Variants in LARGE1 observed in about 807,000 individuals in gnomAD.
LARGE1 encodes the protein xylosyl- and glucuronyltransferase LARGE1.
LARGE1 carries 43 observed loss-of-function variants against 87.6 expected under a neutral mutation model. That is an observed-to-expected ratio of 0.49 (90% CI 0.38 to 0.63). LARGE1 has a LOEUF of 0.63. Among genes scored for constraint, LARGE1 ranks in the 30% least tolerant of loss-of-function variants. The pLI is 0.00. For missense variants in LARGE1, 802 were observed against 1,000.2 expected, an observed-to-expected ratio of 0.80 and a Z score of 2.67; for synonymous variants, 434 against 394.6, an observed-to-expected ratio of 1.10 and a Z score of -1.18.
intron 6 of LARGE1, among the ~76,000 whole-genome samples, chr22:33,497,023 C>T (rs2070161612): frequency 6.6e-6 from 1 of 151,602 alleles, no homozygotes; most frequent in Non-Finnish European, 1.5e-5. Context: ...GACACAAATT[C>T]CAGACTCAGG....
At chr22:33,684,654 G>C (rs1225615983) in intron 2 of LARGE1, among the ~76,000 whole-genome samples, 1 of 152,160 alleles carries the variant, frequency 6.6e-6, no homozygotes, top group Admixed American at 6.5e-5. Context: ...TTCCTCACTA[G>C]GACATGCAAG....
At chr22:33,129,711 C>T in the LARGE1 span, among the ~76,000 whole-genome samples, 1 of 152,088 alleles carries the variant, frequency 6.6e-6, no homozygotes, top group Non-Finnish European at 1.5e-5. Flanking sequence ...TGGTGGAAGG[C>T]AAAGGAGAAG....
intron 4 of LARGE1, among the ~76,000 whole-genome samples, chr22:33,613,032 C>G (rs2079485175): frequency 6.6e-6 from 1 of 152,154 alleles, no homozygotes; most frequent in Non-Finnish European, 1.5e-5. Flanking sequence ...TCTGCATTGT[C>G]AAAGGGAATA....
At chr22:33,651,221 A>T (rs1367933425) in intron 2 of LARGE1, among the ~76,000 whole-genome samples, 1 of 122,062 alleles carries the variant, frequency 8.2e-6, no homozygotes, top group African/African-American at 3.4e-5. Flanking sequence ...CTCTACTAAA[A>T]ATACAAAAAA....
At chr22:33,303,628 A>G (rs1341283908) in intron 12 of LARGE1, among the ~76,000 whole-genome samples, 2 of 151,844 alleles carry the variant, frequency 1.3e-5, no homozygotes, top group Non-Finnish European at 2.9e-5. Flanking sequence ...TCTATTTATT[A>G]TTATTATTTT....
intron 6 of LARGE1, among the ~76,000 whole-genome samples, chr22:33,468,528 T>C (rs2068706646): frequency 6.6e-6 from 1 of 152,212 alleles, no homozygotes; most frequent in Non-Finnish European, 1.5e-5. Flanking sequence ...TCAAATCCCA[T>C]TACTTATCAA....
At chr22:33,759,251 T>C (rs1196320560) in intron 2 of LARGE1, among the ~76,000 whole-genome samples, 1 of 152,248 alleles carries the variant, frequency 6.6e-6, no homozygotes, top group Non-Finnish European at 1.5e-5. Flanking sequence ...GGGTTGGCTT[T>C]CTGCCAAAGA....
At chr22:33,343,963 T>C (rs985770843) in intron 9 of LARGE1, among the ~76,000 whole-genome samples, 1 of 152,178 alleles carries the variant, frequency 6.6e-6, no homozygotes, top group Admixed American at 6.5e-5. Context: ...AAACTGAGTC[T>C]GATGTTTGAG....
intron 12 of LARGE1, among the ~76,000 whole-genome samples, chr22:33,288,613 G>A (rs1931974447): frequency 6.6e-6 from 1 of 152,160 alleles, no homozygotes; most frequent in Non-Finnish European, 1.5e-5. Context: ...TGTGGGTCTT[G>A]TAATATATTG....
At chr22:33,442,550 T>C (rs776932144) in intron 6 of LARGE1, among the ~76,000 whole-genome samples, 2 of 152,194 alleles carry the variant, frequency 1.3e-5, no homozygotes, top group Non-Finnish European at 2.9e-5. Flanking sequence ...GGGGGATTTC[T>C]GTACTGCGCA....
At chr22:33,891,923 G>C (rs182036580) in intron 1 of LARGE1, among the ~76,000 whole-genome samples, 106 of 152,234 alleles carry the variant, frequency 7.0e-4, no homozygotes, top group African/African-American at 2.4e-3. Flanking sequence ...TAGGATCCTA[G>C]TCTAATAGTT....
intron 5 of LARGE1, 115 bp downstream of exon 5, chr22:33,604,320 T>C (rs1447375819): frequency 1.4e-6 from 2 of 1,383,466 alleles, no homozygotes; most frequent in Non-Finnish European, 1.0e-6. Context: ...CCTTACGCCC[T>C]ACACATTTTC....
chr22:33,206,134 T>C (rs1260356263), intron 11 of LARGE1, among the ~76,000 whole-genome samples: 1 of 152,102 alleles, frequency 6.6e-6, no homozygotes. Flanking sequence ...TTTTGTGTAT[T>C]TTTAGTAGAG....
chr22:33,190,085 T>C (rs1923696866), intron 11 of LARGE1, among the ~76,000 whole-genome samples: 1 of 152,208 alleles, frequency 6.6e-6, no homozygotes, highest in Non-Finnish European at 1.5e-5. Flanking sequence ...GCAATGAGAA[T>C]AGATGTGTAG....
At chr22:33,199,259 T>C (rs1200733324) in intron 11 of LARGE1, among the ~76,000 whole-genome samples, 1 of 152,058 alleles carries the variant, frequency 6.6e-6, no homozygotes, top group Non-Finnish European at 1.5e-5. Flanking sequence ...TAGATATTAG[T>C]CCTTTGTTGG....
chr22:33,727,466 C>T (rs553913296), intron 2 of LARGE1: 2 of 152,276 alleles, frequency 1.3e-5, no homozygotes, highest in East Asian at 3.9e-4. Flanking sequence ...GTATCTAATG[C>T]CCTGTTTCTC....
the LARGE1 span, among the ~76,000 whole-genome samples, chr22:33,101,601 G>C: frequency 6.6e-6 from 1 of 152,178 alleles, no homozygotes; most frequent in Admixed American, 6.5e-5. Context: ...GGGTCTTTGG[G>C]AATGAGATTC....
At chr22:33,524,213 C>T (rs1376557109) in intron 6 of LARGE1, among the ~76,000 whole-genome samples, 1 of 151,672 alleles carries the variant, frequency 6.6e-6, no homozygotes, top group Non-Finnish European at 1.5e-5. Flanking sequence ...ACTGCTTGAA[C>T]CCAGGAGGCA....
At chr22:33,770,191 G>A (rs2085022946) in intron 1 of LARGE1, among the ~76,000 whole-genome samples, 1 of 152,214 alleles carries the variant, frequency 6.6e-6, no homozygotes, top group Admixed American at 6.5e-5. Context: ...TATAGCCAAT[G>A]CAAATGTACA....
Sources: gnomAD v4.1 joint callset for allele counts (sites outside exome capture counted in the v4.1 genomes callset) on GRCh38, gnomAD v4.1.1 for gene constraint, MANE v1.5 for transcripts, NCBI Gene and HGNC (gene_info 2026-07-23, HGNC 2026-07-21) for gene names.